CRB2: variants seen among roughly 807,000 people sequenced by gnomAD.
CRB2 encodes the protein crumbs cell polarity complex component 2, also known as protein crumbs homolog 2.
A neutral mutation model predicts 110.9 loss-of-function variants in CRB2; 85 were observed. The observed-to-expected ratio is 0.77, with a 90% CI of 0.64 to 0.92. CRB2 has a LOEUF of 0.92. CRB2 is among the 40% of genes least tolerant of loss of function. The pLI, the probability that CRB2 is intolerant of heterozygous loss-of-function variation, is 0.00. For synonymous variants in CRB2, 907 were observed against 831.0 expected (o/e 1.09, Z -1.57); for missense variants, 1,843 against 1,851.3 (o/e 1.00, Z 0.08).
chr9:123,374,094 AAACAC>A, intron 10 of CRB2, 174 bp downstream of exon 10: 1 of 933,650 alleles, frequency 1.1e-6, no homozygotes, highest in African/African-American at 1.6e-5. Context: ...ATACAGATCA[AAACAC>A]AACCAGTTAG....
rs117564552 is a variant in CRB2 at position 123,376,067 on chromosome 9, C to T, written c.3633+724C>T. Among the ~76,000 whole-genome samples the T allele has an allele frequency of 8.6e-4, 128 of 149,464 alleles. No individual in the cohort carries two copies. The East Asian group carries it at 0.012, about 14-fold the overall frequency. ...TTGAACTTTTACAGCCTCTGGCTTC[C>T]CTACCCAGCCACCTCCCCAGGGCAG... On this transcript the variant is annotated intron_variant, in intron 12 of 12. Transcript: ENST00000373631.
intron 9 of CRB2, among the ~76,000 whole-genome samples, 171 bp from the exon 10 acceptor site, chr9:123,372,963 G>A (rs1588216773): frequency 1.3e-5 from 2 of 152,244 alleles, no homozygotes; most frequent in East Asian, 1.9e-4. Flanking sequence ...TACATTGGGA[G>A]TAGAAGTGAG....
chr9:123,362,861 A>G lies in CRB2; in HGVS notation c.95-4A>G, dbSNP rs1482629907. ...CCTGCCCAGCCAGTTTCTTCTTTCT[A>G]CAGGGACGGTGCCTTCAGAGCCCCC... On this transcript the variant is annotated splice_region_variant and splice_polypyrimidine_tract_variant and intron_variant, in intron 1 of 12. Transcript: ENST00000373631. 6.4e-7 allele frequency: 1 copy of G among 1,570,098 alleles called. No homozygotes were observed. The highest frequency in any genetic ancestry group is 1.1e-5 in the South Asian group (1 of 87,078).
rs571029924 is a variant in CRB2, at chr9:123,370,726, C to T, written c.1673C>T (p.Ser558Leu). The T allele has an allele frequency of 6.9e-6, 11 of 1,603,694 alleles. No homozygotes were observed. Among genetic ancestry groups the T allele is most frequent in the African/African-American group, 5.3e-5 (4 of 75,038 alleles). ...SGPVALASTASATPLPAGISS... is the reference protein window; with the variant it reads ...SGPVALASTALATPLPAGISS... ...CCTGTGGCCCTGGCTTCCACGGCTT[C>T]GGCAACTCCGCTGCCTGCCGGGATC... Residue 558 changes from serine (S) to leucine (L), a missense_variant, in exon 7 of 13, where the codon TCG (serine) becomes TTG (leucine). Transcript: ENST00000373631.
Position 123,370,226 on chromosome 9 carries a change from C to T in CRB2, c.1173C>T (p.Arg391=), listed in dbSNP as rs143130521. Reference sequence around the variant, plus strand: ...GGTGCCCAGAGACCTGGGGTGGGCGCGACTGTTCTGTGCAGCTCACTGGCT... The same window carrying T: ...GGTGCCCAGAGACCTGGGGTGGGCGTGACTGTTCTGTGCAGCTCACTGGCT... ...ICRCPETWGG[R]DCSVQLTGCQ... The change falls in exon 7 of 13, where the codon CGC becomes CGT. Residue 391 remains arginine, a synonymous_variant. Coordinates refer to ENST00000373631, the MANE Select transcript of CRB2 (RefSeq NM_173689.7). 65 of 1,613,208 alleles carry T rather than the reference C, an allele frequency of 4.0e-5. No individual in the cohort carries two copies. In the African/African-American group the frequency reaches 4.9e-4, roughly 12 times the overall value.
Position 123,363,208 on chromosome 9 carries a change from TG to T in CRB2, c.418+23del, listed in dbSNP as rs757084559. The T allele has an allele frequency of 1.6e-5, 25 of 1,579,370 alleles. No homozygotes were observed. The highest frequency in any genetic ancestry group is 2.2e-5 in the Non-Finnish European group (25 of 1,160,080). On this transcript the variant is annotated intron_variant, in intron 2 of 12. Transcript: ENST00000373631. Reference sequence around the variant, plus strand: ...ATGCAGGTAACAGCCTGGGCCGCCCTGGGAGGAGGTCTGTAATGCAGATCGC... The same window carrying T: ...ATGCAGGTAACAGCCTGGGCCGCCCTGGAGGAGGTCTGTAATGCAGATCGC...
In CRB2 at chr9:123,371,535, C is replaced by A; in HGVS notation, c.2393C>A (p.Ser798Tyr). The A allele has an allele frequency of 6.2e-7, 1 of 1,613,160 alleles. No homozygotes were observed. The highest frequency in any genetic ancestry group is 1.1e-5 in the South Asian group (1 of 91,086). ...CCCAGCGAGCTCGGCGGCAGGCAGTCCTGGAACCTCACTGCGGGCTGCGTC... is the reference window on the plus strand; with the variant it reads ...CCCAGCGAGCTCGGCGGCAGGCAGTACTGGAACCTCACTGCGGGCTGCGTC... Reference protein sequence around the residue: ...SQPSELGGRQSWNLTAGCVSE... With the variant: ...SQPSELGGRQYWNLTAGCVSE... The change falls in exon 8 of 13, where the codon TCC becomes TAC. Residue 798 changes from serine to tyrosine, a missense_variant. By Grantham distance (144) the Ser-to-Tyr change is moderately radical (BLOSUM62 -2). Transcript: ENST00000373631.
intron 2 of CRB2, among the ~76,000 whole-genome samples, chr9:123,365,120 G>A (rs1327649819): frequency 1.3e-5 from 2 of 152,164 alleles, no homozygotes; most frequent in South Asian, 2.1e-4. Flanking sequence ...AAAATTAGCC[G>A]GGTGAGGTGG....
At chr9:123,365,753 G>A (rs1439757568) in intron 2 of CRB2, among the ~76,000 whole-genome samples, 164 bp from the exon 3 acceptor site, 1 of 152,186 alleles carries the variant, frequency 6.6e-6, no homozygotes, top group Non-Finnish European at 1.5e-5. Context: ...TCTCCCTGCG[G>A]TTGCTGGCAT....
intron 2 of CRB2, among the ~76,000 whole-genome samples, chr9:123,365,190 T>C (rs534340111): frequency 2.6e-5 from 4 of 152,232 alleles, no homozygotes; most frequent in South Asian, 4.2e-4. Flanking sequence ...TTGAACCCAG[T>C]GGGCAGAGAT....
At chr9:123,379,429 G>T (rs2042170836), downstream of CRB2, among the ~76,000 whole-genome samples, 1 of 152,248 alleles carries the variant, frequency 6.6e-6, no homozygotes, top group African/African-American at 2.4e-5. Flanking sequence ...GCAGGGCTGA[G>T]CAGGCCTGTT....
downstream of CRB2, among the ~76,000 whole-genome samples, chr9:123,378,959 G>A (rs2042156290): frequency 6.6e-6 from 1 of 151,478 alleles, no homozygotes; most frequent in African/African-American, 2.4e-5. Context: ...GATTACAGGT[G>A]CCTGCTTTTA....
chr9:123,373,395 C>G lies in CRB2; in HGVS notation c.2864C>G (p.Ala955Gly). Residue 955 changes from alanine (A) to glycine (G), a missense_variant, in exon 10 of 13, where the codon GCC (alanine) becomes GGC (glycine). Coordinates refer to ENST00000373631, the MANE Select transcript of CRB2 (RefSeq NM_173689.7). ...CCGGGGCCGCGCGTGGCCGATGGTG[C>G]CTGGCACCGCGTGCGTCTGGCCATG... Reference protein sequence around the residue: ...PIPGPRVADGAWHRVRLAMER... With the variant: ...PIPGPRVADGGWHRVRLAMER... The G allele has an allele frequency of 6.9e-7, 1 of 1,442,808 alleles. No individual in the cohort carries two copies. Among genetic ancestry groups the G allele is most frequent in the Middle Eastern group, 2.4e-4 (1 of 4,246 alleles). 89.4% of individuals were successfully genotyped at this position (1,442,808 alleles called of 1,614,324 possible). A position where few individuals can be genotyped will look rare whatever the true frequency, so the allele number is the denominator to read the frequency against.
chr9:123,362,014 C>T (rs996172935), intron 1 of CRB2, among the ~76,000 whole-genome samples: 1 of 152,168 alleles, frequency 6.6e-6, no homozygotes, highest in Non-Finnish European at 1.5e-5. Flanking sequence ...TGGCCAGGGG[C>T]AGGTGTCCGT....
intron 9 of CRB2, 118 bp from the exon 10 acceptor site, chr9:123,373,015 TG>T: frequency 2.6e-6 from 2 of 758,022 alleles, no homozygotes; most frequent in Non-Finnish European, 4.0e-6. Flanking sequence ...AGATGATAGG[TG>T]GGTGCGTGTG....
Position 123,378,302 on chromosome 9 carries a change from A to G in CRB2, c.*1240A>G, listed in dbSNP as rs1366170134. ...TCACACTGTGACCTCCCATCCCTGAAGGGCACCTGCCTGAGGGCCTGGCCT... is the reference window on the plus strand; with the variant it reads ...TCACACTGTGACCTCCCATCCCTGAGGGGCACCTGCCTGAGGGCCTGGCCT... On this transcript the variant is annotated 3_prime_UTR_variant, in exon 13 of 13. Transcript: ENST00000373631. 1 of 152,340 alleles carries G rather than the reference A, an allele frequency of 6.6e-6. No homozygotes were observed. Among genetic ancestry groups the G allele is most frequent in the Non-Finnish European group, 1.5e-5 (1 of 68,098 alleles). 9.4% of individuals were successfully genotyped at this position (152,340 alleles called of 1,614,324 possible). A position where few individuals can be genotyped will look rare whatever the true frequency, so the allele number is the denominator to read the frequency against.
intron 2 of CRB2, among the ~76,000 whole-genome samples, chr9:123,365,656 AG>A (rs1208316722): frequency 1.3e-5 from 2 of 152,156 alleles, no homozygotes; most frequent in Non-Finnish European, 2.9e-5. Context: ...TAGCTCATTT[AG>A]GTAATTACTG....
chr9:123,357,800 C>T (rs752894531), intron 1 of CRB2, among the ~76,000 whole-genome samples: 1 of 152,220 alleles, frequency 6.6e-6, no homozygotes, highest in Non-Finnish European at 1.5e-5. Context: ...GCTACAGACA[C>T]ATGTGGATCT....
In CRB2 at chr9:123,362,993, C is replaced by A; in HGVS notation, c.223C>A (p.Pro75Thr). ...PMEPRGCATQ[P>T]CHHGALCVPQ... ...GGAGCCCCGGGGCTGTGCCACCCAGCCATGCCACCACGGCGCTCTGTGTGT... is the reference window on the plus strand; with the variant it reads ...GGAGCCCCGGGGCTGTGCCACCCAGACATGCCACCACGGCGCTCTGTGTGT... The change falls in exon 2 of 13, where the codon CCA (proline) becomes ACA (threonine). Residue 75 changes from proline (P) to threonine (T), a missense_variant. Physicochemically the swap from Pro to Thr is conservative, Grantham distance 38. Transcript: ENST00000373631. The A allele has an allele frequency of 1.9e-6, 3 of 1,612,584 alleles. No individual in the cohort carries two copies. The highest frequency in any genetic ancestry group is 1.1e-5 in the South Asian group (1 of 91,072).
Sources: gnomAD v4.1 joint callset for allele counts (sites outside exome capture counted in the v4.1 genomes callset) on GRCh38, gnomAD v4.1.1 for gene constraint, MANE v1.5 for transcripts, NCBI Gene and HGNC (gene_info 2026-07-23, HGNC 2026-07-21) for gene names.